The following CYP4X1 variants were observed in gnomAD, a reference collection of about 807,000 sequenced individuals.
CYP4X1 encodes cytochrome P450 4X1.
In CYP4X1, 44 loss-of-function variants were observed where a neutral mutation model predicts 57.9. That is an observed-to-expected ratio of 0.76 (90% CI 0.60 to 0.98). The LOEUF is 0.98. CYP4X1 is among the 50% of genes least tolerant of loss of function. CYP4X1 has a pLI of 0.00. For missense variants in CYP4X1, 532 were observed against 623.9 expected, an observed-to-expected ratio of 0.85 and a Z score of 1.57; for synonymous variants, 227 against 228.6, an observed-to-expected ratio of 0.99 and a Z score of 0.06.
chr1:46,986,744 A>G, the CYP4X1 span, among the ~76,000 whole-genome samples: 1 of 152,216 alleles, frequency 6.6e-6, no homozygotes, highest in Non-Finnish European at 1.5e-5. Flanking sequence ...ATTCTTAAAG[A>G]AAAGAATTTC....
chr1:47,010,792 G>A, the CYP4X1 span, among the ~76,000 whole-genome samples: 4,534 of 152,208 alleles, frequency 0.03, 99 homozygotes, highest in Middle Eastern at 0.071. Context: ...AATCATCAGT[G>A]ATCTCCCATT....
At chr1:46,963,176 C>G in the CYP4X1 span, among the ~76,000 whole-genome samples, 1 of 152,200 alleles carries the variant, frequency 6.6e-6, no homozygotes, top group Non-Finnish European at 1.5e-5. Flanking sequence ...TTCCTGAATA[C>G]AGCACACTGA....
At position 47,031,499 on chromosome 1, in the gene CYP4X1, G is replaced by A; in HGVS notation, c.364+19G>A. ...CTTCTTGGTATGTATGTGCAAATGA[G>A]AGGTATAACCCACTCTCATTCAAAG... is the stretch of plus-strand genomic sequence containing the variant. On this transcript the variant is annotated intron_variant, in intron 3 of 11. Transcript: ENST00000371901. The A allele has an allele frequency of 1.2e-6, 2 of 1,613,666 alleles. No individual in the cohort carries two copies. Among genetic ancestry groups the A allele is most frequent in the Non-Finnish European group, 1.7e-6 (2 of 1,179,718 alleles).
the CYP4X1 span, among the ~76,000 whole-genome samples, chr1:46,987,316 T>C: frequency 6.6e-6 from 1 of 152,196 alleles, no homozygotes; most frequent in Non-Finnish European, 1.5e-5. Context: ...AAGGGATCAA[T>C]GCATTAAGAA....
chr1:46,993,459 G>A, the CYP4X1 span, among the ~76,000 whole-genome samples: 112 of 152,248 alleles, frequency 7.4e-4, no homozygotes, highest in Non-Finnish European at 1.4e-3. Context: ...GTAATGGGAT[G>A]GCTGCGTCAA....
At chr1:46,990,981 C>A in the CYP4X1 span, among the ~76,000 whole-genome samples, 1 of 151,034 alleles carries the variant, frequency 6.6e-6, no homozygotes, top group African/African-American at 2.4e-5. Flanking sequence ...CAAACCACCA[C>A]GGCACATGTA....
the CYP4X1 span, among the ~76,000 whole-genome samples, chr1:46,981,805 A>G: frequency 2.6e-5 from 4 of 152,220 alleles, no homozygotes; most frequent in African/African-American, 9.6e-5. Flanking sequence ...TGCAGCTTTA[A>G]ACAAGGATAA....
chr1:46,965,032 C>G, the CYP4X1 span, among the ~76,000 whole-genome samples: 3 of 152,182 alleles, frequency 2.0e-5, no homozygotes, highest in African/African-American at 7.2e-5. Flanking sequence ...GTAGGACCCT[C>G]CAAGCCAGGC....
At chr1:46,991,828 G>A in the CYP4X1 span, among the ~76,000 whole-genome samples, 3 of 152,330 alleles carry the variant, frequency 2.0e-5, no homozygotes, top group East Asian at 5.8e-4. Context: ...TGCGTGGGAA[G>A]GAGGAGGCTT....
chr1:47,019,180 G>A (rs1643971786), upstream of CYP4X1, among the ~76,000 whole-genome samples: 2 of 152,176 alleles, frequency 1.3e-5, no homozygotes, highest in Non-Finnish European at 2.9e-5. Flanking sequence ...ACTAAGAGCT[G>A]AGTCCTGAAG....
upstream of CYP4X1, among the ~76,000 whole-genome samples, chr1:47,018,777 G>A (rs2148500153): frequency 6.6e-6 from 1 of 151,724 alleles, no homozygotes; most frequent in Non-Finnish European, 1.5e-5. Flanking sequence ...GTTCCAATTA[G>A]GAAAAACGGG....
At chr1:47,009,673 T>C in the CYP4X1 span, among the ~76,000 whole-genome samples, 2 of 151,748 alleles carry the variant, frequency 1.3e-5, no homozygotes, top group African/African-American at 4.8e-5. Context: ...GCAAGACTAA[T>C]AAAGAAGAAA....
chr1:47,023,855 C>T lies in CYP4X1; in HGVS notation c.38C>T (p.Pro13Leu), dbSNP rs1644027902. 1 of 1,613,594 alleles carries T rather than the reference C, an allele frequency of 6.2e-7. No homozygotes were observed. The highest frequency in any genetic ancestry group is 1.3e-5 in the African/African-American group (1 of 75,062). ...TGGCTGGAGACGCGCTGGGCGCGGCCCTTTTACCTGGCGTTCGTGTTCTGC... is the reference window on the plus strand; with the variant it reads ...TGGCTGGAGACGCGCTGGGCGCGGCTCTTTTACCTGGCGTTCGTGTTCTGC... ...FSWLETRWAR[P>L]FYLAFVFCLA... The change falls in exon 1 of 12, where the codon CCC (proline) becomes CTC (leucine). Residue 13 changes from proline (P) to leucine (L), a missense_variant. Coordinates refer to ENST00000371901, the MANE Select transcript of CYP4X1 (RefSeq NM_178033.2).
chr1:47,000,028 C>CTGTA, the CYP4X1 span, among the ~76,000 whole-genome samples: 1 of 152,086 alleles, frequency 6.6e-6, no homozygotes, highest in East Asian at 1.9e-4. Context: ...TGGTTTGGCT[C>CTGTA]TGTACCCCTA....
chr1:47,031,329 T>C, intron 2 of CYP4X1, 107 bp from the exon 3 acceptor site: 1 of 1,337,294 alleles, frequency 7.5e-7, no homozygotes, highest in South Asian at 1.3e-5. Context: ...TCTCTTTTTC[T>C]CACTTTTTGT....
chr1:47,016,857 T>C, the CYP4X1 span, among the ~76,000 whole-genome samples: 5 of 152,228 alleles, frequency 3.3e-5, no homozygotes. Context: ...ATTTTTTTGT[T>C]CCTCCACACC....
intron 1 of CYP4X1, among the ~76,000 whole-genome samples, chr1:47,028,871 G>A (rs1180739840): frequency 6.6e-6 from 1 of 152,152 alleles, no homozygotes; most frequent in Non-Finnish European, 1.5e-5. Context: ...TATTCACATT[G>A]TTGAAAACCA....
chr1:47,038,089 A>G (rs1644205047), intron 6 of CYP4X1, among the ~76,000 whole-genome samples: 1 of 152,196 alleles, frequency 6.6e-6, no homozygotes, highest in Non-Finnish European at 1.5e-5. Flanking sequence ...TTTTTTCAAC[A>G]TTAATAGACC....
At chr1:47,010,885 C>A in the CYP4X1 span, among the ~76,000 whole-genome samples, 2 of 152,126 alleles carry the variant, frequency 1.3e-5, no homozygotes, top group East Asian at 3.8e-4. Flanking sequence ...GAACTACAAA[C>A]CACTGTTCAA....
Sources: gnomAD v4.1 joint callset for allele counts (sites outside exome capture counted in the v4.1 genomes callset) on GRCh38, gnomAD v4.1.1 for gene constraint, MANE v1.5 for transcripts, NCBI Gene and HGNC (gene_info 2026-07-23, HGNC 2026-07-21) for gene names.